The following CAST variants were observed in gnomAD, a reference collection of about 807,000 sequenced individuals.
The protein encoded by CAST is MIR583 host.
In CAST, 76 loss-of-function variants were observed where a neutral mutation model predicts 119.6. The ratio of observed to expected loss-of-function variants is 0.64; its 90% CI spans 0.53 to 0.77. The LOEUF (loss-of-function observed/expected upper bound fraction) is 0.77, where lower values mean the gene tolerates loss of function less well. Ranked by LOEUF, CAST falls within the 30% of genes least tolerant of loss-of-function variation. The pLI, the probability that CAST is intolerant of heterozygous loss-of-function variation, is 0.00. For missense variants in CAST, 953 were observed against 946.5 expected (o/e 1.01, Z -0.09); for synonymous variants, 319 against 331.6 (o/e 0.96, Z 0.41).
the CAST span, among the ~76,000 whole-genome samples, chr5:96,501,759 C>T: frequency 6.6e-6 from 1 of 152,198 alleles, no homozygotes; most frequent in African/African-American, 2.4e-5. Context: ...TAGTCATGTG[C>T]CACATAACAG....
chr5:96,182,477 G>A, the CAST span, among the ~76,000 whole-genome samples: 2 of 152,210 alleles, frequency 1.3e-5, no homozygotes, highest in Non-Finnish European at 2.9e-5. Context: ...CGAGGTGGGT[G>A]TAAAGAAACA....
chr5:96,635,454 C>A (rs1360582161), intron 1 of CAST, among the ~76,000 whole-genome samples: 1 of 152,134 alleles, frequency 6.6e-6, no homozygotes, highest in African/African-American at 2.4e-5. Flanking sequence ...TGGATGGGAT[C>A]TTGAATGGCT....
chr5:95,999,716 C>A, the CAST span, among the ~76,000 whole-genome samples: 1 of 152,148 alleles, frequency 6.6e-6, no homozygotes, highest in Admixed American at 6.5e-5. Context: ...TATGAACATT[C>A]TTATGATAGT....
the CAST span, among the ~76,000 whole-genome samples, chr5:96,101,185 G>T: frequency 6.6e-6 from 1 of 152,182 alleles, no homozygotes; most frequent in African/African-American, 2.4e-5. Context: ...AGGATTACAG[G>T]CATCAGCCAC....
At chr5:96,622,416 T>C (rs1247587913) in intron 1 of CAST, among the ~76,000 whole-genome samples, 1 of 152,138 alleles carries the variant, frequency 6.6e-6, no homozygotes. Context: ...CAGCCTTACA[T>C]AAAATCTGGC....
chr5:96,609,408 AG>A (rs143407581), intron 1 of CAST, among the ~76,000 whole-genome samples: 13,770 of 152,246 alleles, frequency 0.09, 757 homozygotes, highest in African/African-American at 0.16. Context: ...AACCATTTAA[AG>A]CGGTGCTTTC....
the CAST span, among the ~76,000 whole-genome samples, chr5:96,092,698 G>A: frequency 6.6e-6 from 1 of 152,112 alleles, no homozygotes; most frequent in Non-Finnish European, 1.5e-5. Context: ...AACTAATATT[G>A]TGATTATAAA....
At chr5:96,399,271 G>A in the CAST span, among the ~76,000 whole-genome samples, 1 of 152,080 alleles carries the variant, frequency 6.6e-6, no homozygotes, top group Admixed American at 6.6e-5. Context: ...AATTCAGGCA[G>A]ATTTATTGTA....
the CAST span, among the ~76,000 whole-genome samples, chr5:96,375,405 T>C: frequency 1.3e-5 from 2 of 148,264 alleles, no homozygotes; most frequent in African/African-American, 2.5e-5. Context: ...TAATTTATTA[T>C]TTGCTTTTTG....
chr5:96,058,352 G>T, the CAST span, among the ~76,000 whole-genome samples: 2 of 152,150 alleles, frequency 1.3e-5, no homozygotes, highest in Non-Finnish European at 2.9e-5. Context: ...GAGATTCCCA[G>T]TGTTACAGCT....
chr5:96,124,987 C>G, the CAST span, among the ~76,000 whole-genome samples: 1 of 152,024 alleles, frequency 6.6e-6, no homozygotes, highest in Non-Finnish European at 1.5e-5. Flanking sequence ...TTCTTTTCTC[C>G]CTTGATTAAA....
At chr5:96,402,015 A>G in the CAST span, among the ~76,000 whole-genome samples, 1 of 152,320 alleles carries the variant, frequency 6.6e-6, no homozygotes, top group East Asian at 1.9e-4. Flanking sequence ...GCATTATGTA[A>G]TAAGTAGATG....
chr5:96,611,990 G>A (rs747794122), intron 1 of CAST, among the ~76,000 whole-genome samples: 1 of 152,144 alleles, frequency 6.6e-6, no homozygotes, highest in Non-Finnish European at 1.5e-5. Flanking sequence ...ATACACTGTC[G>A]ATGGAAATGT....
the CAST span, among the ~76,000 whole-genome samples, chr5:96,149,766 C>A: frequency 0.016 from 2,422 of 152,280 alleles, 51 homozygotes; most frequent in African/African-American, 0.055. Flanking sequence ...CAGCTAGCAT[C>A]CAATCTGTTA....
At chr5:96,446,933 G>A in the CAST span, among the ~76,000 whole-genome samples, 10 of 152,322 alleles carry the variant, frequency 6.6e-5, no homozygotes, top group South Asian at 2.1e-4. Flanking sequence ...GCTTCCTGTC[G>A]TTTGGGGGAT....
chr5:96,275,643 A>AG, the CAST span, among the ~76,000 whole-genome samples: 41 of 152,188 alleles, frequency 2.7e-4, no homozygotes, highest in Non-Finnish European at 5.9e-4. Context: ...CTCAAGATAT[A>AG]GAGTTTATTT....
chr5:96,069,220 T>C, the CAST span, among the ~76,000 whole-genome samples: 1 of 151,932 alleles, frequency 6.6e-6, no homozygotes, highest in African/African-American at 2.4e-5. Flanking sequence ...TATATACATA[T>C]ATATGTGTGT....
At chr5:96,173,823 C>A in the CAST span, among the ~76,000 whole-genome samples, 9 of 151,904 alleles carry the variant, frequency 5.9e-5, no homozygotes, top group Non-Finnish European at 1.3e-4. Context: ...TCACTGCAAG[C>A]TCCGCCTCAC....
At chr5:96,704,106 T>C (rs937766007) in intron 3 of CAST, among the ~76,000 whole-genome samples, 1 of 152,190 alleles carries the variant, frequency 6.6e-6, no homozygotes, top group Non-Finnish European at 1.5e-5. Context: ...AAGCCACCTA[T>C]AGCAATGAGG....
Sources: allele counts gnomAD v4.1 joint callset (sites outside exome capture counted in the v4.1 genomes callset), GRCh38; gene constraint gnomAD v4.1.1; transcripts MANE v1.5; gene names NCBI Gene and HGNC (gene_info 2026-07-23, HGNC 2026-07-21).